The following GSG1L variants were observed in gnomAD, a reference collection of about 807,000 sequenced individuals.
The protein encoded by GSG1L is germ cell-specific gene 1-like protein.
Under a neutral mutation model 42.1 loss-of-function variants are expected in GSG1L, and 24 were observed. That is an observed-to-expected ratio of 0.57 (90% CI 0.41 to 0.80). The LOEUF (loss-of-function observed/expected upper bound fraction) is 0.80, where lower values mean the gene tolerates loss of function less well. GSG1L is among the 30% of genes least tolerant of loss of function. The pLI is 0.00. For synonymous variants in GSG1L, 215 were observed against 203.5 expected, an observed-to-expected ratio of 1.06 and a Z score of -0.48; for missense variants, 445 against 472.2, an observed-to-expected ratio of 0.94 and a Z score of 0.53.
intron 2 of GSG1L, among the ~76,000 whole-genome samples, chr16:27,909,038 G>A (rs1232635678): frequency 4.6e-5 from 7 of 152,080 alleles, no homozygotes; most frequent in Admixed American, 4.6e-4. Flanking sequence ...GGGACCTGGG[G>A]CCCATCATTT....
rs532006188 is a variant in GSG1L, at chr16:27,819,442, G to A, written c.830+9347C>T. On this transcript the variant is annotated intron_variant, in intron 5 of 6. Coordinates refer to ENST00000447459, the MANE Select transcript of GSG1L (RefSeq NM_001109763.2). ...TCCCTCCACCCATAAAGGCCGTACCGACAGCACGAAACCTCCAGACAGGAC... is the reference window on the plus strand; with the variant it reads ...TCCCTCCACCCATAAAGGCCGTACCAACAGCACGAAACCTCCAGACAGGAC... Among the ~76,000 whole-genome samples, 44 of 152,222 alleles carry A rather than the reference G, an allele frequency of 2.9e-4. No individual in the cohort carries two copies. In the South Asian group the frequency reaches 9.1e-3, roughly 32 times the overall value.
At position 27,797,125 on chromosome 16, in the gene GSG1L, T is replaced by C. The variant is rs9939205; in HGVS notation, c.899-5658A>G. On this transcript the variant is annotated intron_variant, in intron 6 of 6. Coordinates refer to ENST00000447459, the MANE Select transcript of GSG1L (RefSeq NM_001109763.2). ...ACCGAGGTCCAGATAAATTAAGTCA[T>C]TGTTTCAAGGCCTCACTGCTGAGAC... Among the ~76,000 whole-genome samples the C allele has an allele frequency of 4.5e-3, 693 of 152,320 alleles. 5 individuals are homozygous for C. The highest frequency in any genetic ancestry group is 0.016 in the African/African-American group (662 of 41,572).
intron 1 of GSG1L, among the ~76,000 whole-genome samples, chr16:27,970,706 G>T (rs2085185446): frequency 6.6e-6 from 1 of 151,922 alleles, no homozygotes; most frequent in Non-Finnish European, 1.5e-5. Context: ...CTAGACTAGT[G>T]TTATACCTAA....
At chr16:27,909,015 C>G (rs941073106) in intron 2 of GSG1L, among the ~76,000 whole-genome samples, 3 of 152,128 alleles carry the variant, frequency 2.0e-5, no homozygotes, top group Non-Finnish European at 2.9e-5. Context: ...GGTGCCTACA[C>G]TTACCAGCCG....
intron 2 of GSG1L, among the ~76,000 whole-genome samples, chr16:27,933,562 T>C (rs1246048509): frequency 1.3e-5 from 2 of 150,990 alleles, no homozygotes; most frequent in African/African-American, 4.9e-5. Context: ...GGCAGGAGGA[T>C]TGCTTGAGTC....
intron 2 of GSG1L, among the ~76,000 whole-genome samples, chr16:27,913,610 T>C (rs1380345116): frequency 6.6e-6 from 1 of 152,210 alleles, no homozygotes. Flanking sequence ...TTTATTGGAA[T>C]ACAGACAAAT....
chr16:28,022,483 T>TTTC (rs1433404037), intron 1 of GSG1L, among the ~76,000 whole-genome samples: 3 of 151,072 alleles, frequency 2.0e-5, no homozygotes, highest in African/African-American at 7.4e-5. Flanking sequence ...CAGCTAATTT[T>TTTC]TTTTTTTTTT....
chr16:28,048,237 T>C (rs2141191991), intron 1 of GSG1L, among the ~76,000 whole-genome samples: 1 of 151,914 alleles, frequency 6.6e-6, no homozygotes, highest in South Asian at 2.1e-4. Context: ...CAAAAATATA[T>C]ATATAACAAT....
intron 5 of GSG1L, among the ~76,000 whole-genome samples, chr16:27,813,677 C>T (rs1030345183): frequency 3.9e-5 from 6 of 152,220 alleles, no homozygotes; most frequent in South Asian, 2.1e-4. Flanking sequence ...ACGGGATCTG[C>T]AGAATCTGCA....
At chr16:28,045,291 TG>T (rs1463405878) in intron 1 of GSG1L, among the ~76,000 whole-genome samples, 2 of 152,110 alleles carry the variant, frequency 1.3e-5, no homozygotes, top group South Asian at 2.1e-4. Flanking sequence ...ATGTTGATAA[TG>T]GGAGAGGCTA....
At chr16:28,007,035 G>A (rs1385378469) in intron 1 of GSG1L, among the ~76,000 whole-genome samples, 3 of 152,120 alleles carry the variant, frequency 2.0e-5, no homozygotes. Context: ...CCACCCATAG[G>A]CCCCTCCACC....
At chr16:28,036,277 T>G (rs1176487767) in intron 1 of GSG1L, among the ~76,000 whole-genome samples, 5 of 152,192 alleles carry the variant, frequency 3.3e-5, no homozygotes, top group African/African-American at 1.2e-4. Flanking sequence ...CGAAGCTGCC[T>G]GAGGCCCCCA....
chr16:27,839,801 T>C (rs1291536880), intron 4 of GSG1L, among the ~76,000 whole-genome samples: 1 of 152,192 alleles, frequency 6.6e-6, no homozygotes. Context: ...AAATCCAAAC[T>C]TTTATAAGAC....
intron 1 of GSG1L, among the ~76,000 whole-genome samples, chr16:27,999,248 G>A (rs1232708027): frequency 6.6e-6 from 1 of 152,160 alleles, no homozygotes; most frequent in Non-Finnish European, 1.5e-5. Context: ...TTCAAAACCA[G>A]CCTGGCCAAC....
chr16:27,934,718 C>T (rs775974932), intron 2 of GSG1L, among the ~76,000 whole-genome samples: 4 of 152,044 alleles, frequency 2.6e-5, no homozygotes, highest in Admixed American at 1.3e-4. Context: ...TGTCATTTCG[C>T]GGTTGTGCGA....
chr16:28,056,773 C>T (rs946521662), intron 1 of GSG1L, among the ~76,000 whole-genome samples: 2 of 152,016 alleles, frequency 1.3e-5, no homozygotes, highest in African/African-American at 4.8e-5. Flanking sequence ...AAGGCTTGTC[C>T]TCAGGGAGCC....
intron 1 of GSG1L, among the ~76,000 whole-genome samples, chr16:27,988,940 C>T (rs188222061): frequency 4.7e-4 from 71 of 151,544 alleles, no homozygotes; most frequent in Non-Finnish European, 9.4e-4. Flanking sequence ...GTAATCCCTG[C>T]TCCTCGGGAG....
chr16:27,941,396 C>T (rs1477523703), intron 2 of GSG1L, among the ~76,000 whole-genome samples: 1 of 150,676 alleles, frequency 6.6e-6, no homozygotes, highest in Non-Finnish European at 1.5e-5. Flanking sequence ...ATGGGCTGGG[C>T]GCAGTGGTTC....
Position 27,792,754 on chromosome 16 carries a change from G to A in GSG1L, c.899-1287C>T, listed in dbSNP as rs143659121. On this transcript the variant is annotated intron_variant, in intron 6 of 6. Transcript: ENST00000447459. ...ATGTATGCACCCCTGTGGACCAGTG[G>A]AGGTGGAGCTGGAAGGTGCAAAACT... is the stretch of plus-strand genomic sequence containing the variant. Among the ~76,000 whole-genome samples, 1,012 of 152,302 alleles carry A rather than the reference G, an allele frequency of 6.6e-3. 7 individuals are homozygous for A. Among genetic ancestry groups the A allele is most frequent in the Non-Finnish European group, 0.011 (749 of 68,026 alleles).
Sources: allele counts gnomAD v4.1 joint callset (sites outside exome capture counted in the v4.1 genomes callset), GRCh38; gene constraint gnomAD v4.1.1; transcripts MANE v1.5; gene names NCBI Gene and HGNC (gene_info 2026-07-23, HGNC 2026-07-21).